NSUN3: variants seen among roughly 807,000 people sequenced by gnomAD.
NSUN3 encodes tRNA (cytosine(34)-C(5))-methyltransferase, mitochondrial.
NSUN3 carries 24 observed loss-of-function variants against 36.8 expected under a neutral mutation model. That is an observed-to-expected ratio of 0.65 (90% CI 0.47 to 0.92). The LOEUF (loss-of-function observed/expected upper bound fraction) is 0.92, where lower values mean the gene tolerates loss of function less well. Ranked by LOEUF, NSUN3 falls within the 40% of genes least tolerant of loss-of-function variation. NSUN3 has a pLI of 0.00. For synonymous variants in NSUN3, 146 were observed against 145.2 expected, an observed-to-expected ratio of 1.01 and a Z score of -0.04; for missense variants, 381 against 392.8, an observed-to-expected ratio of 0.97 and a Z score of 0.25.
chr3:94,093,687 A>G (rs2077325615), intron 3 of NSUN3, among the ~76,000 whole-genome samples: 1 of 152,248 alleles, frequency 6.6e-6, no homozygotes, highest in African/African-American at 2.4e-5. Context: ...GGAAGCTTTT[A>G]AGCCAGGACA....
chr3:94,115,932 T>C (rs2077438074), intron 5 of NSUN3, among the ~76,000 whole-genome samples: 1 of 152,174 alleles, frequency 6.6e-6, no homozygotes, highest in Non-Finnish European at 1.5e-5. Flanking sequence ...TCCTGCATCG[T>C]GGTTTAAATT....
At chr3:94,122,639 A>G (rs2077468606) in intron 5 of NSUN3, among the ~76,000 whole-genome samples, 1 of 152,172 alleles carries the variant, frequency 6.6e-6, no homozygotes. Context: ...TTAAATACAC[A>G]TCACACCTTT....
At chr3:94,075,738 C>CG (rs1234584387) in intron 2 of NSUN3, among the ~76,000 whole-genome samples, 1 of 151,996 alleles carries the variant, frequency 6.6e-6, no homozygotes, top group Non-Finnish European at 1.5e-5. Context: ...AAGCCCCCCC[C>CG]CCCAATAATA....
chr3:94,094,156 T>C lies in NSUN3; in HGVS notation c.483T>C (p.Asn161=), dbSNP rs1245190403. 3.7e-6 allele frequency: 6 copies of C among 1,602,810 alleles called. No homozygotes were observed. In the African/African-American group the frequency reaches 5.4e-5, roughly 14 times the overall value. ...TTTATTTAGGTTATCTTCATTGTAA[T>C]GAATATGATAGTCTGAGATTGAGGT... ...QCACPGYLHC[N]EYDSLRLRWL... The change falls in exon 4 of 6, where the codon AAT becomes AAC. Residue 161 remains asparagine (N), a synonymous_variant. Coordinates refer to ENST00000314622, the MANE Select transcript of NSUN3 (RefSeq NM_022072.5).
At position 94,092,632 on chromosome 3, in the gene NSUN3, G is replaced by A. The variant is rs936485058; in HGVS notation, c.467-1508G>A. 3.2e-4 allele frequency among the ~76,000 whole-genome samples: 49 copies of A among 151,856 alleles called. 1 individual carries two copies. Among genetic ancestry groups the A allele is most frequent in the Admixed American group, 3.0e-3 (45 of 15,252 alleles). ...AAATATGGAGCCCTGGGCCTGGCAC[G>A]GTGGCTCATGTCTGTAATCCCAGCA... On this transcript the variant is annotated intron_variant, in intron 3 of 5. Coordinates refer to ENST00000314622, the MANE Select transcript of NSUN3 (RefSeq NM_022072.5).
In NSUN3 at chr3:94,089,725, T is replaced by C. The variant is rs550951803; in HGVS notation, c.467-4415T>C. On this transcript the variant is annotated intron_variant, in intron 3 of 5. Transcript: ENST00000314622. The stretch of plus-strand genomic sequence containing the variant: ...ATAAAGTCATAGGATTAAGGTTAAA[T>C]GGGGCACTTGACCTCCAGAGTACTC... 7.6e-4 allele frequency among the ~76,000 whole-genome samples: 115 copies of C among 152,288 alleles called. 1 individual carries two copies. Among genetic ancestry groups the C allele is most frequent in the African/African-American group, 2.7e-3 (113 of 41,568 alleles).
chr3:94,072,173 C>G (rs2077226954), intron 2 of NSUN3, among the ~76,000 whole-genome samples: 1 of 152,106 alleles, frequency 6.6e-6, no homozygotes. Flanking sequence ...AGGTCATGGC[C>G]ACTTGCACTA....
At chr3:94,115,607 T>C (rs116509101) in intron 5 of NSUN3, among the ~76,000 whole-genome samples, 2,107 of 152,292 alleles carry the variant, frequency 0.014, 48 homozygotes, top group African/African-American at 0.048. Context: ...TTGTTTATCT[T>C]CTGGTGATAA....
At position 94,097,480 on chromosome 3, in the gene NSUN3, C is replaced by T. The variant is rs116393528; in HGVS notation, c.743+2326C>T. ...TTGTATTCCTTTTTAATCCTTTAAT[C>T]CTCTATTTCTGGATATTTACATTGT... is the stretch of plus-strand genomic sequence containing the variant. On this transcript the variant is annotated intron_variant, in intron 5 of 5. Coordinates refer to ENST00000314622, the MANE Select transcript of NSUN3 (RefSeq NM_022072.5). 4.4e-3 allele frequency among the ~76,000 whole-genome samples: 664 copies of T among 151,954 alleles called. 2 individuals are homozygous for T. The highest frequency in any genetic ancestry group is 0.02 in the Middle Eastern group (6 of 294).
In NSUN3 at chr3:94,107,339, G is replaced by T. The variant is rs563657486; in HGVS notation, c.743+12185G>T. 2.6e-5 allele frequency among the ~76,000 whole-genome samples: 4 copies of T among 152,170 alleles called. 1 individual carries two copies. The South Asian group carries it at 8.3e-4, about 32-fold the overall frequency. ...TTTTGAGGTGGAGTCTCACTCTGTCGTCCAGGAGTGCAGTGGTGTGATCAT... is the reference window on the plus strand; with the variant it reads ...TTTTGAGGTGGAGTCTCACTCTGTCTTCCAGGAGTGCAGTGGTGTGATCAT... On this transcript the variant is annotated intron_variant, in intron 5 of 5. Coordinates refer to ENST00000314622, the MANE Select transcript of NSUN3 (RefSeq NM_022072.5).
intron 5 of NSUN3, among the ~76,000 whole-genome samples, chr3:94,105,248 C>T (rs1342330945): frequency 1.3e-5 from 2 of 152,138 alleles, no homozygotes; most frequent in Non-Finnish European, 2.9e-5. Context: ...GTGGGAACAA[C>T]GACTTTTATG....
At position 94,087,510 on chromosome 3, in the gene NSUN3, A is replaced by G. The variant is rs187918603; in HGVS notation, c.466+3060A>G. On this transcript the variant is annotated intron_variant, in intron 3 of 5. Coordinates refer to ENST00000314622, the MANE Select transcript of NSUN3 (RefSeq NM_022072.5). ...GGTTGTTGTCAACATAGCCTTTTTA[A>G]TGTCCTGGTCTTGGCAGAAAAAGAG... 6.6e-5 allele frequency among the ~76,000 whole-genome samples: 10 copies of G among 152,314 alleles called. 1 individual carries two copies. In the East Asian group the frequency reaches 1.9e-3, roughly 29 times the overall value.
chr3:94,103,191 A>G (rs1020552226), intron 5 of NSUN3, among the ~76,000 whole-genome samples: 35 of 152,026 alleles, frequency 2.3e-4, no homozygotes, highest in Admixed American at 2.2e-3. Flanking sequence ...CTGGCCTAAC[A>G]TTACCTACTT....
Position 94,128,836 on chromosome 3 carries a change from T to C in NSUN3, c.*2346T>C, listed in dbSNP as rs1228914853. On this transcript the variant is annotated 3_prime_UTR_variant, in exon 6 of 6. Transcript: ENST00000314622. Reference sequence around the variant, plus strand: ...CCTATTAAAAACTGAGCAAAGGACATGAACAGACATTTCTCAAAAGAAGAC... The same window carrying C: ...CCTATTAAAAACTGAGCAAAGGACACGAACAGACATTTCTCAAAAGAAGAC... Among the ~76,000 whole-genome samples, 1 of 152,018 alleles carries C rather than the reference T, an allele frequency of 6.6e-6. No individual in the cohort carries two copies. The highest frequency in any genetic ancestry group is 1.5e-5 in the Non-Finnish European group (1 of 68,018).
intron 5 of NSUN3, among the ~76,000 whole-genome samples, chr3:94,119,436 G>A (rs976079677): frequency 6.6e-6 from 1 of 152,152 alleles, no homozygotes; most frequent in African/African-American, 2.4e-5. Flanking sequence ...TATGGCTCTG[G>A]GGGAGGGGGA....
chr3:94,076,522 T>C, intron 2 of NSUN3: 1 of 792,000 alleles, frequency 1.3e-6, no homozygotes, highest in Non-Finnish European at 2.3e-6. Flanking sequence ...AGATGGTCTT[T>C]GCATCCACCA....
chr3:94,085,069 A>G (rs1355469189), intron 3 of NSUN3: 1 of 152,348 alleles, frequency 6.6e-6, no homozygotes, highest in Non-Finnish European at 1.5e-5. Flanking sequence ...TGGTTACGTT[A>G]CAGTTACATC....
chr3:94,115,017 A>G (rs2077433723), intron 5 of NSUN3, among the ~76,000 whole-genome samples: 1 of 152,166 alleles, frequency 6.6e-6, no homozygotes, highest in Admixed American at 6.5e-5. Context: ...AGGAATATGT[A>G]CATGTGTCCA....
chr3:94,107,573 C>T (rs1264742657), intron 5 of NSUN3, among the ~76,000 whole-genome samples: 1 of 152,128 alleles, frequency 6.6e-6, no homozygotes, highest in Non-Finnish European at 1.5e-5. Context: ...AGGTGTGAGC[C>T]ACCATGCCCG....
Sources: allele counts gnomAD v4.1 joint callset (sites outside exome capture counted in the v4.1 genomes callset), GRCh38; gene constraint gnomAD v4.1.1; transcripts MANE v1.5; gene names NCBI Gene and HGNC (gene_info 2026-07-23, HGNC 2026-07-21).